The following ADGRE3 variants were observed in gnomAD, a reference collection of about 807,000 sequenced individuals.
The protein encoded by ADGRE3 is EGF-like module receptor 3.
A neutral mutation model predicts 80.1 loss-of-function variants in ADGRE3; 88 were observed. The observed-to-expected ratio is 1.10, with a 90% confidence interval of 0.93 to 1.31. The LOEUF is 1.31. ADGRE3 is among the 40% of genes most tolerant of loss of function. ADGRE3 has a pLI of 0.00. For synonymous variants in ADGRE3, 281 were observed against 294.8 expected, an observed-to-expected ratio of 0.95 and a Z score of 0.48; for missense variants, 715 against 776.5, an observed-to-expected ratio of 0.92 and a Z score of 0.94.
chr19:14,662,583 A>G (rs1428021469), intron 3 of ADGRE3, among the ~76,000 whole-genome samples: 1 of 152,032 alleles, frequency 6.6e-6, no homozygotes, highest in Non-Finnish European at 1.5e-5. Flanking sequence ...ACGGGGTTTC[A>G]CTATGTTGGC....
chr19:14,638,329 G>A lies in ADGRE3; in HGVS notation c.1260C>T (p.Ser420=). ...IDRTEPKVLC[S]IIAGALHYLY... ...GATAGTGCAAAGCACCGGCGATGAT[G>A]GAGCACAGCACCTGGGGGAGGAGAA... Residue 420 remains serine (S), a synonymous_variant, in exon 11 of 16, where the codon TCC becomes TCT. Coordinates refer to ENST00000253673, the MANE Select transcript of ADGRE3 (RefSeq NM_032571.5). 2 of 1,613,928 alleles carry A rather than the reference G, an allele frequency of 1.2e-6. No homozygotes were observed. Among genetic ancestry groups the A allele is most frequent in the Non-Finnish European group, 1.7e-6 (2 of 1,179,822 alleles).
At chr19:14,605,733 G>A in the ADGRE3 span, among the ~76,000 whole-genome samples, 80 of 151,924 alleles carry the variant, frequency 5.3e-4, 1 homozygote, top group African/African-American at 1.9e-3. Flanking sequence ...TTCTTCCAAA[G>A]ACCTGGGATT....
At chr19:14,648,665 A>G (rs1971486550) in intron 7 of ADGRE3, among the ~76,000 whole-genome samples, 1 of 152,208 alleles carries the variant, frequency 6.6e-6, no homozygotes, top group Admixed American at 6.6e-5. Context: ...TTAAATCAGT[A>G]GACTGAGTAA....
chr19:14,651,562 G>A (rs1488233500), intron 6 of ADGRE3, among the ~76,000 whole-genome samples: 2 of 152,122 alleles, frequency 1.3e-5, no homozygotes, highest in Non-Finnish European at 2.9e-5. Flanking sequence ...CTGAAACCAA[G>A]TTCTTAACTA....
At chr19:14,644,603 T>C (rs1971349230) in intron 8 of ADGRE3, among the ~76,000 whole-genome samples, 1 of 151,578 alleles carries the variant, frequency 6.6e-6, no homozygotes, top group Non-Finnish European at 1.5e-5. Flanking sequence ...CATACAGGCA[T>C]GAGCCACTGC....
intron 15 of ADGRE3, among the ~76,000 whole-genome samples, chr19:14,623,240 C>G (rs1277324141): frequency 3.5e-5 from 1 of 28,190 alleles, no homozygotes; most frequent in African/African-American, 1.6e-4. Context: ...TCACTTTTTA[C>G]AGTGCTATTT....
Position 14,632,979 on chromosome 19 carries a change from T to C in ADGRE3, c.1585A>G (p.Ile529Val), listed in dbSNP as rs138384322. ...AGGGAGGAAAGTTTTCTTTTCAAAA[T>C]CCAAAAGACCAAGATAAACAATACT... is the stretch of plus-strand genomic sequence containing the variant. ...NLVLFILVFWILKRKLSSLNS... is the reference protein window; with the variant it reads ...NLVLFILVFWVLKRKLSSLNS... The change falls in exon 13 of 16, where the codon ATT becomes GTT. Residue 529 changes from isoleucine (I) to valine (V), a missense_variant. Coordinates refer to ENST00000253673, the MANE Select transcript of ADGRE3 (RefSeq NM_032571.5). 6.2e-7 allele frequency: 1 copy of C among 1,613,974 alleles called. No individual in the cohort carries two copies. The highest frequency in any genetic ancestry group is 1.7e-5 in the Admixed American group (1 of 60,002).
chr19:14,621,066 C>T (rs1181433862), intron 15 of ADGRE3, among the ~76,000 whole-genome samples: 1 of 152,010 alleles, frequency 6.6e-6, no homozygotes, highest in Non-Finnish European at 1.5e-5. Context: ...GTCGCCCAGG[C>T]TGGAGTGCAA....
chr19:14,635,311 C>T (rs1020006314), intron 11 of ADGRE3, among the ~76,000 whole-genome samples: 5 of 151,544 alleles, frequency 3.3e-5, no homozygotes, highest in African/African-American at 1.2e-4. Context: ...TGCTATGTTG[C>T]CCAGCCTGGT....
rs1173768595 is a variant in ADGRE3 at position 14,650,993 on chromosome 19, A to G, written c.697+92T>C. 2.3e-5 allele frequency: 32 copies of G among 1,385,388 alleles called. No homozygotes were observed. In the East Asian group the frequency reaches 3.2e-4, roughly 14 times the overall value. 85.8% of individuals were successfully genotyped at this position (1,385,388 alleles called of 1,614,324 possible). On this transcript the variant is annotated intron_variant, in intron 7 of 15. Transcript: ENST00000253673. ...ATCGTAGTTTGAGGGTAAAAAGCCC[A>G]TGAGGGGAGAGCCCAGTGGGCTTGT... is the stretch of plus-strand genomic sequence containing the variant.
the ADGRE3 span, chr19:14,609,926 G>A: frequency 1.6e-6 from 1 of 644,154 alleles, no homozygotes; most frequent in Middle Eastern, 2.8e-4. Flanking sequence ...CCGGCTTACA[G>A]GTGTAAGGCT....
chr19:14,645,050 C>A (rs1429201963), intron 8 of ADGRE3, among the ~76,000 whole-genome samples: 1 of 152,060 alleles, frequency 6.6e-6, no homozygotes, highest in Non-Finnish European at 1.5e-5. Context: ...CCACCAGGAC[C>A]CCCGATCCAT....
chr19:14,661,576 C>G (rs1266467863), intron 4 of ADGRE3, among the ~76,000 whole-genome samples: 2 of 152,208 alleles, frequency 1.3e-5, no homozygotes, highest in African/African-American at 4.8e-5. Flanking sequence ...CCTTATTTCC[C>G]TCAACTTGAA....
At chr19:14,636,145 T>TCTTC (rs1555755842) in intron 11 of ADGRE3, among the ~76,000 whole-genome samples, 1 of 22,240 alleles carries the variant, frequency 4.5e-5, no homozygotes, top group African/African-American at 1.2e-4. Flanking sequence ...TTTCTTTCTT[T>TCTTC]CTTTCTTCCT....
At position 14,620,537 on chromosome 19, in the gene ADGRE3, T is replaced by TATA. The variant is rs1415988959; in HGVS notation, c.1921-1067_1921-1066insTAT. On this transcript the variant is annotated intron_variant, in intron 15 of 15. Transcript: ENST00000253673. ...ATGACTATATATGAATATATATATTTTATATATATATTATATATATATATA... is the reference window on the plus strand; with the variant it reads ...ATGACTATATATGAATATATATATTTATATATATATATATTATATATATATATA... Among the ~76,000 whole-genome samples the TATA allele has an allele frequency of 3.6e-3, 67 of 18,438 alleles. 5 individuals are homozygous for TATA. Among genetic ancestry groups the TATA allele is most frequent in the South Asian group, 8.5e-3 (4 of 468 alleles). The allele number at this position is 18,438 out of a possible 152,430, so 12.1% of individuals were successfully genotyped here.
At position 14,663,084 on chromosome 19, in the gene ADGRE3, C is replaced by A. The variant is rs796871231; in HGVS notation, c.199+334G>T. On this transcript the variant is annotated intron_variant, in intron 3 of 15. Coordinates refer to ENST00000253673, the MANE Select transcript of ADGRE3 (RefSeq NM_032571.5). The stretch of plus-strand genomic sequence containing the variant: ...GTGGTGCAATCTCGGCTCACTGCAA[C>A]CTCTGCCTCCCAGGTTCAAGCTATT... 6.6e-5 allele frequency among the ~76,000 whole-genome samples: 10 copies of A among 151,966 alleles called. No individual in the cohort carries two copies. In the South Asian group the frequency reaches 1.9e-3, roughly 28 times the overall value.
At chr19:14,620,538 T>TATATATATATATA (rs1314205454) in intron 15 of ADGRE3, among the ~76,000 whole-genome samples, 4 of 15,246 alleles carry the variant, frequency 2.6e-4, no homozygotes, top group African/African-American at 7.9e-4. Flanking sequence ...ATATATATTT[T>TATATATATATATA]ATATATATAT....
At chr19:14,635,380 CAGGCGTGA>C (rs1443866259) in intron 11 of ADGRE3, among the ~76,000 whole-genome samples, 1 of 151,150 alleles carries the variant, frequency 6.6e-6, no homozygotes. Context: ...GCTGGGGTTA[CAGGCGTGA>C]ACCACCATGC....
intron 7 of ADGRE3, among the ~76,000 whole-genome samples, chr19:14,649,625 T>C: frequency 7.8e-6 from 1 of 127,430 alleles, no homozygotes; most frequent in African/African-American, 3.1e-5. Context: ...CATCTCTCTC[T>C]CCATCTCTCC....
Sources: allele counts gnomAD v4.1 joint callset (sites outside exome capture counted in the v4.1 genomes callset), GRCh38; gene constraint gnomAD v4.1.1; transcripts MANE v1.5; gene names NCBI Gene and HGNC (gene_info 2026-07-23, HGNC 2026-07-21).